Variants in ASAP1 observed in about 807,000 individuals in gnomAD.
The protein encoded by ASAP1 is ArfGAP with SH3 domain, ankyrin repeat and PH domain 1, also known as arf-GAP with SH3 domain, ANK repeat and PH domain-containing protein 1.
In ASAP1, 43 loss-of-function variants were observed where a neutral mutation model predicts 145.2. The observed-to-expected ratio is 0.30, with a 90% CI of 0.23 to 0.38. ASAP1 has a LOEUF of 0.38. ASAP1 is among the 10% of genes least tolerant of loss of function. ASAP1 has a pLI of 1.00. For synonymous variants in ASAP1, 546 were observed against 515.5 expected (o/e 1.06, Z -0.80); for missense variants, 1,018 against 1,355.3 (o/e 0.75, Z 3.91).
At chr8:130,256,773 ATATATATATCCT>A (rs1360652955) in intron 3 of ASAP1, among the ~76,000 whole-genome samples, 10 of 115,166 alleles carry the variant, frequency 8.7e-5, no homozygotes, top group Non-Finnish European at 1.7e-4. Context: ...ATATATATAT[ATATATATATCCT>A]TATATATATA....
At chr8:130,242,277 A>AAC (rs1586666540) in intron 3 of ASAP1, among the ~76,000 whole-genome samples, 1 of 150,644 alleles carries the variant, frequency 6.6e-6, no homozygotes, top group South Asian at 2.1e-4. Context: ...AAAAAAAAAA[A>AAC]AAAAAACAAC....
At chr8:130,390,500 G>C (rs999295492) in intron 2 of ASAP1, among the ~76,000 whole-genome samples, 1 of 152,158 alleles carries the variant, frequency 6.6e-6, no homozygotes, top group African/African-American at 2.4e-5. Context: ...AGGAATATAT[G>C]ATTACACCTA....
chr8:130,154,668 A>G lies in ASAP1; in HGVS notation c.1011-1863T>C, dbSNP rs1312323410. On this transcript the variant is annotated intron_variant, in intron 12 of 29. Transcript: ENST00000518721. ...AAGAAAGCTGCCACAACACAAATTT[A>G]AAACCATCTCTAAACACAAATAATA... Among the ~76,000 whole-genome samples, 5 of 152,248 alleles carry G rather than the reference A, an allele frequency of 3.3e-5. No homozygotes were observed. In the East Asian group the frequency reaches 9.6e-4, roughly 29 times the overall value.
chr8:130,239,450 C>T (rs1332893448), intron 3 of ASAP1, among the ~76,000 whole-genome samples: 2 of 152,010 alleles, frequency 1.3e-5, no homozygotes, highest in Non-Finnish European at 2.9e-5. Flanking sequence ...GGTGGCTGAG[C>T]TGGAATTTGA....
intron 3 of ASAP1, among the ~76,000 whole-genome samples, chr8:130,293,378 G>A (rs1822062908): frequency 6.6e-6 from 1 of 152,204 alleles, no homozygotes; most frequent in African/African-American, 2.4e-5. Flanking sequence ...ACCCAACTGA[G>A]GCAGCATTTT....
At chr8:130,065,440 A>G (rs758981382) in intron 27 of ASAP1, among the ~76,000 whole-genome samples, 4 of 152,162 alleles carry the variant, frequency 2.6e-5, no homozygotes, top group Non-Finnish European at 4.4e-5. Flanking sequence ...CCCCCAGGGT[A>G]TAGGGTAGGA....
At chr8:130,236,752 T>C (rs1467900814) in intron 4 of ASAP1, among the ~76,000 whole-genome samples, 170 bp downstream of exon 4, 1 of 152,144 alleles carries the variant, frequency 6.6e-6, no homozygotes, top group Non-Finnish European at 1.5e-5. Context: ...GAAACACTAA[T>C]AGGTTTGGGC....
chr8:130,266,066 A>C (rs1319200423), intron 3 of ASAP1, among the ~76,000 whole-genome samples: 2 of 152,118 alleles, frequency 1.3e-5, no homozygotes, highest in Admixed American at 6.6e-5. Context: ...GACAGCAAAA[A>C]ATGACCCACA....
In ASAP1 at chr8:130,358,858, C is replaced by T. The variant is rs990026212; in HGVS notation, c.60-715G>A. 1.3e-5 allele frequency among the ~76,000 whole-genome samples: 2 copies of T among 151,928 alleles called. No homozygotes were observed. Among genetic ancestry groups the T allele is most frequent in the Non-Finnish European group, 2.9e-5 (2 of 67,958 alleles). On this transcript the variant is annotated intron_variant, in intron 2 of 29. Coordinates refer to ENST00000518721, the MANE Select transcript of ASAP1 (RefSeq NM_018482.4). This position sits in a 1 kb window ranked among gnomAD's most constrained non-coding sequence, Gnocchi z 4.1. The stretch of plus-strand genomic sequence containing the variant: ...TCCGGAAGCCCGAGTCCCTGGTTCG[C>T]CCCCGGAGCGGTTACTTCAGCGAGC...
intron 3 of ASAP1, among the ~76,000 whole-genome samples, chr8:130,356,972 T>C (rs1279471307): frequency 6.6e-6 from 1 of 152,166 alleles, no homozygotes; most frequent in Non-Finnish European, 1.5e-5. Context: ...CCTTCCTACT[T>C]TCCACCCAAT....
At chr8:130,249,417 T>C (rs1819058767) in intron 3 of ASAP1, among the ~76,000 whole-genome samples, 1 of 152,192 alleles carries the variant, frequency 6.6e-6, no homozygotes, top group South Asian at 2.1e-4. Flanking sequence ...TTCTGGCCTT[T>C]ATGACTCTGG....
chr8:130,340,814 A>C (rs749844746), intron 3 of ASAP1: 42 of 437,068 alleles, frequency 9.6e-5, no homozygotes, highest in Non-Finnish European at 1.7e-4. Flanking sequence ...TTAGCACACT[A>C]CCAGGCTCCA....
intron 3 of ASAP1, among the ~76,000 whole-genome samples, chr8:130,311,322 T>A (rs1375193281): frequency 6.6e-6 from 1 of 152,256 alleles, no homozygotes; most frequent in East Asian, 1.9e-4. Context: ...GGTGGTAATT[T>A]TGAAAAGTAG....
intron 3 of ASAP1, among the ~76,000 whole-genome samples, chr8:130,275,928 T>C (rs1176107119): frequency 6.7e-6 from 1 of 150,034 alleles, no homozygotes; most frequent in African/African-American, 2.5e-5. Context: ...ACCAGTCACA[T>C]TTTTTTGCAG....
chr8:130,428,724 A>G, intron 1 of ASAP1, among the ~76,000 whole-genome samples: 1 of 149,982 alleles, frequency 6.7e-6, no homozygotes. Context: ...CATCATCATC[A>G]TCACTACCAA....
At position 130,060,606 on chromosome 8, in the gene ASAP1, G is replaced by T; in HGVS notation, c.3165C>A (p.Pro1055=). 1 of 1,613,692 alleles carries T rather than the reference G, an allele frequency of 6.2e-7. No homozygotes were observed. The highest frequency in any genetic ancestry group is 1.1e-5 in the South Asian group (1 of 90,958). ...NDLTPTLPET[P]VPLPRKINTG... ...TATTGATTTTTCTGGGCAGTGGTAC[G>T]GGCGTCTCTGGCAGAGTAGGCGTGA... The change falls in exon 28 of 30, where the codon CCC becomes CCA. Residue 1055 remains proline (P), a synonymous_variant. Coordinates refer to ENST00000518721, the MANE Select transcript of ASAP1 (RefSeq NM_018482.4).
chr8:130,153,619 C>T (rs193036024), intron 12 of ASAP1, among the ~76,000 whole-genome samples: 8 of 151,108 alleles, frequency 5.3e-5, no homozygotes, highest in South Asian at 2.1e-4. Context: ...CTGCCCGCCT[C>T]GCCCTCCCAG....
At chr8:130,418,621 G>A (rs1008188869) in intron 1 of ASAP1, among the ~76,000 whole-genome samples, 2 of 151,950 alleles carry the variant, frequency 1.3e-5, no homozygotes, top group African/African-American at 4.8e-5. Flanking sequence ...ACAGAAGTGT[G>A]CAACCATCAC....
chr8:130,312,164 T>C (rs1460399159), intron 3 of ASAP1, among the ~76,000 whole-genome samples: 1 of 151,478 alleles, frequency 6.6e-6, no homozygotes, highest in Non-Finnish European at 1.5e-5. Flanking sequence ...TGTAGTCTCA[T>C]CTATCAAGAA....
Sources: gnomAD v4.1 joint callset for allele counts (sites outside exome capture counted in the v4.1 genomes callset) on GRCh38, gnomAD v4.1.1 for gene constraint, Gnocchi (gnomAD v3.1) non-coding constraint, MANE v1.5 for transcripts, NCBI Gene and HGNC (gene_info 2026-07-23, HGNC 2026-07-21) for gene names.